The following STARD13 variants were observed in gnomAD, a reference collection of about 807,000 sequenced individuals.
STARD13 encodes the protein stAR-related lipid transfer protein 13.
Under a neutral mutation model 106.4 loss-of-function variants are expected in STARD13, and 62 were observed. That is an observed-to-expected ratio of 0.58 (90% confidence interval 0.48 to 0.72). STARD13 has a LOEUF of 0.72. Ranked by LOEUF, STARD13 falls within the 30% of genes least tolerant of loss-of-function variation. The probability of loss-of-function intolerance (pLI) is 0.00; values close to 1 mark genes in which losing one functional copy is unlikely to be tolerated. For missense variants in STARD13, 1,387 were observed against 1,424.0 expected (o/e 0.97, Z 0.42); for synonymous variants, 565 against 553.0 (o/e 1.02, Z -0.31).
upstream of STARD13, among the ~76,000 whole-genome samples, chr13:33,354,964 A>C (rs1208041733): frequency 6.6e-6 from 1 of 152,006 alleles, no homozygotes; most frequent in African/African-American, 2.4e-5. Flanking sequence ...TAAGCAGTAG[A>C]TTGTGAGCAT....
rs1878146934 is a variant in STARD13, at chr13:33,130,586, T to C, written c.388-297A>G. 6.6e-6 allele frequency among the ~76,000 whole-genome samples: 1 copy of C among 152,362 alleles called. No homozygotes were observed. The highest frequency in any genetic ancestry group is 3.4e-3 in the Middle Eastern group (1 of 294). ...TCCTCTCTAAGAAGTTTTCCCTGAC[T>C]GATTATAAAGAGGGTATAATTACAT... is the stretch of plus-strand genomic sequence containing the variant. On this transcript the variant is annotated intron_variant, in intron 4 of 13. Transcript: ENST00000336934. This position sits in a 1 kb window ranked among gnomAD's most constrained non-coding sequence, Gnocchi z 4.1.
chr13:33,298,168 C>T (rs1401219063), intron 1 of STARD13, among the ~76,000 whole-genome samples: 2 of 126,864 alleles, frequency 1.6e-5, no homozygotes, highest in Admixed American at 1.9e-4. Flanking sequence ...CTCACTCTGT[C>T]ACCCAGGCTG....
the STARD13 span, among the ~76,000 whole-genome samples, chr13:33,570,672 G>C: frequency 2.6e-5 from 4 of 152,028 alleles, 1 homozygote; most frequent in Admixed American, 1.3e-4. Flanking sequence ...TCCACAGACA[G>C]TTTGCTCATT....
At chr13:33,219,904 G>T (rs1406162220) in intron 1 of STARD13, among the ~76,000 whole-genome samples, 1 of 151,986 alleles carries the variant, frequency 6.6e-6, no homozygotes, top group African/African-American at 2.4e-5. Flanking sequence ...AAATACTGAT[G>T]GGTAGAGGAA....
the STARD13 span, among the ~76,000 whole-genome samples, chr13:33,623,791 C>CA: frequency 6.6e-6 from 1 of 151,156 alleles, no homozygotes; most frequent in Non-Finnish European, 1.5e-5. Flanking sequence ...CAACAACAAC[C>CA]AAAAAAAGTG....
chr13:33,212,901 G>A (rs570554767), intron 1 of STARD13, among the ~76,000 whole-genome samples: 1 of 152,200 alleles, frequency 6.6e-6, no homozygotes, highest in Admixed American at 6.5e-5. Flanking sequence ...TTGTTAGCAA[G>A]TATTGCTTAA....
chr13:33,559,593 C>T, the STARD13 span, among the ~76,000 whole-genome samples: 4 of 151,526 alleles, frequency 2.6e-5, no homozygotes, highest in South Asian at 4.1e-4. Flanking sequence ...CAGTGGCTCA[C>T]ACCTGTACTC....
intron 1 of STARD13, chr13:33,280,594 G>C (rs1231853307): frequency 6.6e-6 from 1 of 152,122 alleles, no homozygotes; most frequent in East Asian, 1.9e-4. Context: ...GTGTTTACAA[G>C]TTTCTGTATA....
chr13:33,233,148 A>G (rs1889009729), intron 1 of STARD13, among the ~76,000 whole-genome samples: 1 of 152,230 alleles, frequency 6.6e-6, no homozygotes, highest in Admixed American at 6.5e-5. Context: ...ACTCCAAGCC[A>G]AAGAGAGTTT....
chr13:33,484,366 A>C, the STARD13 span, among the ~76,000 whole-genome samples: 6 of 152,172 alleles, frequency 3.9e-5, no homozygotes, highest in African/African-American at 1.4e-4. Flanking sequence ...TAACTTCCCC[A>C]ATTACTCCTA....
chr13:33,134,139 C>T (rs1878731660), intron 4 of STARD13, among the ~76,000 whole-genome samples: 1 of 152,158 alleles, frequency 6.6e-6, no homozygotes, highest in African/African-American at 2.4e-5. Context: ...AATAGGTTCC[C>T]ACGTTGTGGA....
At chr13:33,471,058 T>A in the STARD13 span, among the ~76,000 whole-genome samples, 1 of 152,238 alleles carries the variant, frequency 6.6e-6, no homozygotes, top group African/African-American at 2.4e-5. Flanking sequence ...TGGTTTTAGG[T>A]CTTACATTTA....
chr13:33,210,953 C>T (rs963399405), intron 1 of STARD13, among the ~76,000 whole-genome samples: 1 of 152,022 alleles, frequency 6.6e-6, no homozygotes, highest in Non-Finnish European at 1.5e-5. Flanking sequence ...TCTTGGATAC[C>T]AAGAAATTCA....
intron 1 of STARD13, among the ~76,000 whole-genome samples, chr13:33,312,597 T>A (rs1893182135): frequency 6.6e-6 from 1 of 152,212 alleles, no homozygotes; most frequent in Admixed American, 6.5e-5. Flanking sequence ...TCATTCTCAA[T>A]GTGTTTGGCA....
chr13:33,350,808 G>T, upstream of STARD13: 1 of 248,932 alleles, frequency 4.0e-6, no homozygotes, highest in Non-Finnish European at 6.3e-6. Flanking sequence ...CTGACAGCCT[G>T]GTCCCCACGG....
At chr13:33,335,261 G>C (rs1276778181) in intron 1 of STARD13, 2 of 152,174 alleles carry the variant, frequency 1.3e-5, no homozygotes. Flanking sequence ...CTAACACTTA[G>C]CTGTAATGCG....
chr13:33,229,775 C>T (rs540778675), intron 1 of STARD13, among the ~76,000 whole-genome samples: 7 of 152,334 alleles, frequency 4.6e-5, no homozygotes, highest in African/African-American at 2.4e-5. Context: ...GTAACTTTCC[C>T]TACGCATCAC....
the STARD13 span, chr13:33,656,909 T>A: frequency 6.6e-6 from 1 of 152,282 alleles, no homozygotes; most frequent in East Asian, 1.9e-4. Flanking sequence ...CTCTAGAGGA[T>A]CTTGAGCTTA....
the STARD13 span, among the ~76,000 whole-genome samples, chr13:33,434,948 A>G: frequency 6.6e-6 from 1 of 151,986 alleles, no homozygotes; most frequent in African/African-American, 2.4e-5. Flanking sequence ...GAAGGAAACT[A>G]TAAGTTCTGA....
Sources: gnomAD v4.1 joint callset for allele counts (sites outside exome capture counted in the v4.1 genomes callset) on GRCh38, gnomAD v4.1.1 for gene constraint, Gnocchi (gnomAD v3.1) non-coding constraint, MANE v1.5 for transcripts, NCBI Gene and HGNC (gene_info 2026-07-23, HGNC 2026-07-21) for gene names.